The following CAMK1D variants were observed in gnomAD, a reference collection of about 807,000 sequenced individuals.
CAMK1D encodes the protein calcium/calmodulin-dependent protein kinase type 1D.
In CAMK1D, 9 loss-of-function variants were observed where a neutral mutation model predicts 47.7. The ratio of observed to expected loss-of-function variants is 0.19; its 90% CI spans 0.11 to 0.33. The LOEUF (loss-of-function observed/expected upper bound fraction) is 0.33, where lower values mean the gene tolerates loss of function less well. Among genes scored for constraint, CAMK1D ranks in the 10% least tolerant of loss-of-function variants. CAMK1D has a pLI of 1.00. For synonymous variants in CAMK1D, 184 were observed against 184.9 expected (o/e 0.99, Z 0.04); for missense variants, 291 against 488.7 (o/e 0.60, Z 3.81).
At chr10:12,560,570 A>G (rs1188520495) in intron 2 of CAMK1D, among the ~76,000 whole-genome samples, 12 of 151,670 alleles carry the variant, frequency 7.9e-5, no homozygotes, top group South Asian at 4.2e-4. Context: ...AAAAAAAAAA[A>G]AAGAAGAAGA....
intron 5 of CAMK1D, among the ~76,000 whole-genome samples, chr10:12,770,906 G>T (rs1837008446): frequency 1.3e-5 from 2 of 151,396 alleles, no homozygotes; most frequent in Non-Finnish European, 1.5e-5. Context: ...TGAAGTCTGA[G>T]TCTGAATTCT....
intron 1 of CAMK1D, among the ~76,000 whole-genome samples, chr10:12,394,447 G>A (rs1446241711): frequency 6.6e-6 from 1 of 152,142 alleles, no homozygotes; most frequent in Non-Finnish European, 1.5e-5. Flanking sequence ...TCACCTGGTT[G>A]GTTCCCCTGG....
chr10:12,454,585 C>T (rs1394839394), intron 1 of CAMK1D, among the ~76,000 whole-genome samples: 1 of 152,186 alleles, frequency 6.6e-6, no homozygotes, highest in African/African-American at 2.4e-5. Context: ...GCCTCAGCCT[C>T]CCGAGTAGCT....
In CAMK1D at chr10:12,349,776, C is replaced by T; in HGVS notation, c.-43C>T. 9.0e-7 allele frequency: 1 copy of T among 1,106,024 alleles called. No individual in the cohort carries two copies. Among genetic ancestry groups the T allele is most frequent in the Non-Finnish European group, 1.2e-6 (1 of 862,256 alleles). The allele number at this position is 1,106,024 out of a possible 1,614,324, so 68.5% of individuals were successfully genotyped here. A position where few individuals can be genotyped will look rare whatever the true frequency, so the allele number is the denominator to read the frequency against. Reference sequence around the variant, plus strand: ...GCGCCGCGCCCCCGGCGCCCCCTCCCCAGCGCGCCCCCGGCCGCTCCTCCG... The same window carrying T: ...GCGCCGCGCCCCCGGCGCCCCCTCCTCAGCGCGCCCCCGGCCGCTCCTCCG... On this transcript the variant is annotated 5_prime_UTR_variant, in exon 1 of 11. Transcript: ENST00000619168.
intron 3 of CAMK1D, among the ~76,000 whole-genome samples, chr10:12,695,066 A>ATACCTAGGTAGATT (rs58711322): frequency 7.2e-6 from 1 of 139,510 alleles, no homozygotes; most frequent in Non-Finnish European, 1.6e-5. Flanking sequence ...ATAGATAGAT[A>ATACCTAGGTAGATT]CATAGGTAGA....
At chr10:12,664,221 T>C (rs1301653845) in intron 2 of CAMK1D, among the ~76,000 whole-genome samples, 1 of 152,202 alleles carries the variant, frequency 6.6e-6, no homozygotes, top group Non-Finnish European at 1.5e-5. Context: ...CAAAACTTTA[T>C]TTTTTATTTT....
At chr10:12,433,103 G>A (rs1832535412) in intron 1 of CAMK1D, among the ~76,000 whole-genome samples, 1 of 152,228 alleles carries the variant, frequency 6.6e-6, no homozygotes, top group Admixed American at 6.5e-5. Flanking sequence ...GACCCATAAA[G>A]CACACACCAG....
chr10:12,458,274 A>G (rs1457618187), intron 1 of CAMK1D, among the ~76,000 whole-genome samples: 2 of 152,188 alleles, frequency 1.3e-5, no homozygotes, highest in East Asian at 1.9e-4. Context: ...AACACATGAC[A>G]AAAAGGTGAT....
chr10:12,524,277 A>G (rs1835545271), intron 1 of CAMK1D, among the ~76,000 whole-genome samples: 1 of 152,000 alleles, frequency 6.6e-6, no homozygotes, highest in Non-Finnish European at 1.5e-5. Flanking sequence ...GATTTATAAT[A>G]TACATACCTA....
At chr10:12,385,599 T>A (rs530241338) in intron 1 of CAMK1D, among the ~76,000 whole-genome samples, 1 of 152,264 alleles carries the variant, frequency 6.6e-6, no homozygotes, top group South Asian at 2.1e-4. Flanking sequence ...GGCTGGGGGT[T>A]GGAAGATAGT....
At chr10:12,747,523 G>A (rs898696351) in intron 3 of CAMK1D, among the ~76,000 whole-genome samples, 1 of 151,840 alleles carries the variant, frequency 6.6e-6, no homozygotes, top group Middle Eastern at 3.4e-3. Flanking sequence ...GGGGCTGGTC[G>A]TGCTATGTTG....
At chr10:12,673,058 A>G (rs1196039019) in intron 3 of CAMK1D, among the ~76,000 whole-genome samples, 2 of 151,210 alleles carry the variant, frequency 1.3e-5, no homozygotes, top group African/African-American at 4.9e-5. Flanking sequence ...GTCATTTTCT[A>G]TAGTTGAGTA....
chr10:12,773,418 G>T (rs930835866), intron 5 of CAMK1D, among the ~76,000 whole-genome samples: 1 of 152,196 alleles, frequency 6.6e-6, no homozygotes, highest in Non-Finnish European at 1.5e-5. Flanking sequence ...TGGCCTCTGT[G>T]TACTGTCCTT....
chr10:12,588,954 A>G (rs1381472326), intron 2 of CAMK1D, among the ~76,000 whole-genome samples: 1 of 152,022 alleles, frequency 6.6e-6, no homozygotes, highest in African/African-American at 2.4e-5. Flanking sequence ...ACATATTTAT[A>G]TACAGGTGCA....
At chr10:12,700,116 A>G (rs1166604789) in intron 3 of CAMK1D, among the ~76,000 whole-genome samples, 1 of 152,180 alleles carries the variant, frequency 6.6e-6, no homozygotes, top group Non-Finnish European at 1.5e-5. Flanking sequence ...CCAACAGCAC[A>G]ATATAACCCA....
chr10:12,685,006 G>GT (rs1832595675), intron 3 of CAMK1D, among the ~76,000 whole-genome samples: 1 of 152,180 alleles, frequency 6.6e-6, no homozygotes, highest in Admixed American at 6.5e-5. Context: ...TTTTCCAAAG[G>GT]TCTTTAACAA....
At chr10:12,757,922 G>A (rs1333372279) in intron 3 of CAMK1D, among the ~76,000 whole-genome samples, 2 of 147,274 alleles carry the variant, frequency 1.4e-5, no homozygotes, top group South Asian at 2.2e-4. Context: ...CATGATCTCG[G>A]CTCACCGCAA....
intron 3 of CAMK1D, among the ~76,000 whole-genome samples, chr10:12,741,220 C>T (rs1001702405): frequency 1.3e-5 from 2 of 152,232 alleles, no homozygotes; most frequent in Non-Finnish European, 2.9e-5. Flanking sequence ...GTCTTCTCAT[C>T]ACCTCTCTGA....
intron 3 of CAMK1D, among the ~76,000 whole-genome samples, chr10:12,731,333 G>A (rs1397803528): frequency 6.6e-6 from 1 of 152,198 alleles, no homozygotes; most frequent in East Asian, 1.9e-4. Context: ...TCTTCTGATT[G>A]TTTCTATTTT....
Sources: allele counts gnomAD v4.1 joint callset (sites outside exome capture counted in the v4.1 genomes callset), GRCh38; gene constraint gnomAD v4.1.1; transcripts MANE v1.5; gene names NCBI Gene and HGNC (gene_info 2026-07-23, HGNC 2026-07-21).